Variants in GNAI1 observed in about 807,000 individuals in gnomAD.
The protein encoded by GNAI1 is guanine nucleotide-binding protein G(i) subunit alpha-1.
A neutral mutation model predicts 38.9 loss-of-function variants in GNAI1; 11 were observed. The observed-to-expected ratio is 0.28, with a 90% CI of 0.18 to 0.47. GNAI1 has a LOEUF of 0.47. Ranked by LOEUF, GNAI1 falls within the 20% of genes least tolerant of loss-of-function variation. GNAI1 has a pLI of 0.99. For synonymous variants in GNAI1, 166 were observed against 145.1 expected (o/e 1.14, Z -1.04); for missense variants, 317 against 436.9 (o/e 0.73, Z 2.45).
chr7:80,176,446 T>C (rs1182269059), intron 1 of GNAI1, among the ~76,000 whole-genome samples: 3 of 152,166 alleles, frequency 2.0e-5, no homozygotes, highest in Non-Finnish European at 2.9e-5. Context: ...AACAACAGAT[T>C]TTCAATGTAG....
At chr7:80,168,245 T>C (rs1200506614) in intron 1 of GNAI1, among the ~76,000 whole-genome samples, 1 of 152,114 alleles carries the variant, frequency 6.6e-6, no homozygotes, top group Non-Finnish European at 1.5e-5. Flanking sequence ...TTTTTACTCA[T>C]TTACTCGGTT....
chr7:80,183,628 T>G (rs1223531988), intron 1 of GNAI1, among the ~76,000 whole-genome samples: 1 of 152,052 alleles, frequency 6.6e-6, no homozygotes, highest in Non-Finnish European at 1.5e-5. Flanking sequence ...CAAAGGATTT[T>G]TTTCTTTGAA....
intron 1 of GNAI1, among the ~76,000 whole-genome samples, chr7:80,174,504 A>G (rs1184158375): frequency 6.7e-6 from 1 of 148,668 alleles, no homozygotes; most frequent in Admixed American, 6.7e-5. Context: ...TTCATTATGT[A>G]TTAAAGAAAA....
chr7:80,153,802 T>G (rs917116208), intron 1 of GNAI1, among the ~76,000 whole-genome samples: 2 of 152,218 alleles, frequency 1.3e-5, no homozygotes, highest in African/African-American at 4.8e-5. Context: ...TCTTTATATC[T>G]TCTGTAACTT....
In GNAI1 at chr7:80,221,487, T is replaced by G. The variant is rs915071200; in HGVS notation, c.*3994T>G. On this transcript the variant is annotated 3_prime_UTR_variant, in exon 8 of 8. Transcript: ENST00000649796. ...GCCTCAAAAACAAAACTCTCATAAT[T>G]CGTTTTCATAATGAAAACTAAGTGT... Among the ~76,000 whole-genome samples the G allele has an allele frequency of 6.6e-6, 1 of 152,128 alleles. No homozygotes were observed. Among genetic ancestry groups the G allele is most frequent in the African/African-American group, 2.4e-5 (1 of 41,430 alleles).
At chr7:80,210,193 TTATA>T (rs1166961217) in intron 5 of GNAI1, among the ~76,000 whole-genome samples, 1 of 152,162 alleles carries the variant, frequency 6.6e-6, no homozygotes, top group African/African-American at 2.4e-5. Context: ...TTGCTTAACT[TTATA>T]AAGTCTTATA....
At chr7:80,201,385 A>G (rs1788684135) in intron 4 of GNAI1, among the ~76,000 whole-genome samples, 1 of 152,120 alleles carries the variant, frequency 6.6e-6, no homozygotes, top group Non-Finnish European at 1.5e-5. Context: ...CTCTTGTCCA[A>G]GACCCTCTCT....
intron 1 of GNAI1, among the ~76,000 whole-genome samples, chr7:80,141,908 C>T (rs527256865): frequency 6.6e-6 from 1 of 152,176 alleles, no homozygotes; most frequent in Non-Finnish European, 1.5e-5. Context: ...GGATCCCCTT[C>T]CTCTAGTTTT....
chr7:80,186,884 A>G (rs1009433122), intron 1 of GNAI1, among the ~76,000 whole-genome samples: 4 of 152,254 alleles, frequency 2.6e-5, no homozygotes, highest in Non-Finnish European at 5.9e-5. Flanking sequence ...TGTGTGAGCC[A>G]GAATGCCTGC....
At position 80,201,498 on chromosome 7, in the gene GNAI1, C is replaced by T. The variant is rs151074282; in HGVS notation, c.461+2116C>T. On this transcript the variant is annotated intron_variant, in intron 4 of 7. Coordinates refer to ENST00000649796, the MANE Select transcript of GNAI1 (RefSeq NM_002069.6). ...TTTTGGGAGGCTGAGGTGAGAGGAT[C>T]GCTTGAGCCCAGGAATTCCAGACCA... 4.5e-3 allele frequency among the ~76,000 whole-genome samples: 685 copies of T among 152,136 alleles called. 3 individuals are homozygous for T. Among genetic ancestry groups the T allele is most frequent in the African/African-American group, 0.015 (626 of 41,490 alleles).
chr7:80,157,146 T>C (rs533360202), intron 1 of GNAI1, among the ~76,000 whole-genome samples: 1 of 152,326 alleles, frequency 6.6e-6, no homozygotes, highest in South Asian at 2.1e-4. Flanking sequence ...AAGCAACCAC[T>C]GATCTTTTTT....
chr7:80,196,633 A>G (rs946211024), intron 3 of GNAI1, among the ~76,000 whole-genome samples: 1 of 152,078 alleles, frequency 6.6e-6, no homozygotes, highest in Non-Finnish European at 1.5e-5. Flanking sequence ...TAAGTTGCTT[A>G]ACCTCTTTGT....
At chr7:80,214,730 C>T (rs1316736226) in intron 7 of GNAI1, among the ~76,000 whole-genome samples, 2 of 152,214 alleles carry the variant, frequency 1.3e-5, no homozygotes, top group Non-Finnish European at 2.9e-5. Flanking sequence ...AGCCCCTAAA[C>T]AACTCACTTG....
intron 5 of GNAI1, among the ~76,000 whole-genome samples, chr7:80,209,536 G>A (rs1188925366): frequency 1.3e-5 from 2 of 152,096 alleles, no homozygotes; most frequent in Non-Finnish European, 2.9e-5. Context: ...CTAAATAAGT[G>A]TTTCATTAAA....
chr7:80,160,082 G>T (rs770527160), intron 1 of GNAI1, among the ~76,000 whole-genome samples: 1 of 152,048 alleles, frequency 6.6e-6, no homozygotes, highest in Non-Finnish European at 1.5e-5. Context: ...ACTCTGTTGC[G>T]GATCAATTTC....
At chr7:80,142,696 G>A (rs2189342) in intron 1 of GNAI1, among the ~76,000 whole-genome samples, 13,023 of 152,166 alleles carry the variant, frequency 0.086, 754 homozygotes, top group South Asian at 0.2. Context: ...CATATTCTTT[G>A]TGCCTTGGGT....
intron 1 of GNAI1, among the ~76,000 whole-genome samples, chr7:80,146,523 C>G (rs975307941): frequency 6.6e-6 from 1 of 152,086 alleles, no homozygotes; most frequent in Non-Finnish European, 1.5e-5. Flanking sequence ...AATCCAAGTG[C>G]TGACCTTATT....
intron 3 of GNAI1, among the ~76,000 whole-genome samples, chr7:80,190,586 A>G (rs1365529377): frequency 1.3e-5 from 2 of 152,178 alleles, no homozygotes; most frequent in Non-Finnish European, 2.9e-5. Flanking sequence ...TGGAAATGCT[A>G]ATTAAACTAA....
At chr7:80,170,506 C>T (rs990750873) in intron 1 of GNAI1, among the ~76,000 whole-genome samples, 1 of 152,114 alleles carries the variant, frequency 6.6e-6, no homozygotes, top group Admixed American at 6.5e-5. Context: ...ATACCTGAGA[C>T]TGGGTAGTTT....
Sources: gnomAD v4.1 joint callset for allele counts (sites outside exome capture counted in the v4.1 genomes callset) on GRCh38, gnomAD v4.1.1 for gene constraint, MANE v1.5 for transcripts, NCBI Gene and HGNC (gene_info 2026-07-23, HGNC 2026-07-21) for gene names.